Variants in IL7R observed in about 807,000 individuals in gnomAD.
IL7R encodes the protein interleukin-7 receptor subunit alpha.
Under a neutral mutation model 47.0 loss-of-function variants are expected in IL7R, and 38 were observed. The ratio of observed to expected loss-of-function variants is 0.81; its 90% confidence interval spans 0.62 to 1.06. The LOEUF is 1.06. Ranked by LOEUF, IL7R falls within the 50% of genes least tolerant of loss-of-function variation. The pLI is 0.00. For synonymous variants in IL7R, 221 were observed against 199.8 expected (o/e 1.11, Z -0.89); for missense variants, 633 against 534.8 (o/e 1.18, Z -1.81).
intron 3 of IL7R, among the ~76,000 whole-genome samples, chr5:35,869,424 C>A (rs1359140186): frequency 6.6e-6 from 1 of 151,836 alleles, no homozygotes; most frequent in Admixed American, 6.5e-5. Context: ...CGAGGACCAG[C>A]CGTTGTGATA....
chr5:35,873,144 A>T (rs1206200166), intron 4 of IL7R: 6 of 329,448 alleles, frequency 1.8e-5, no homozygotes, highest in East Asian at 6.7e-5. Flanking sequence ...ACCTAACCTA[A>T]CCTTTCATCT....
chr5:35,867,436 T>A lies in IL7R; in HGVS notation c.352T>A (p.Cys118Ser). Residue 118 changes from cysteine to serine, a missense_variant, in exon 3 of 8, where the codon TGC (cysteine) becomes AGC (serine). Cys to Ser is a moderately radical substitution (Grantham distance 112). Transcript: ENST00000303115. ...CVKVGEKSLT[C>S]KKIDLTTIVK... ...GAAGGTTGGAGAAAAGAGTCTAACCTGCAAAAAAATAGACCTAACCACTAT... is the reference window on the plus strand; with the variant it reads ...GAAGGTTGGAGAAAAGAGTCTAACCAGCAAAAAAATAGACCTAACCACTAT... 2 of 1,613,112 alleles carry A rather than the reference T, an allele frequency of 1.2e-6. No homozygotes were observed. The highest frequency in any genetic ancestry group is 1.7e-6 in the Non-Finnish European group (2 of 1,179,590).
rs758755061 is a variant in IL7R at position 35,879,550 on chromosome 5, C to T, written c.*3064C>T. On this transcript the variant is annotated 3_prime_UTR_variant, in exon 8 of 8. Coordinates refer to ENST00000303115, the MANE Select transcript of IL7R (RefSeq NM_002185.5). ...TTCGCAGAGCTGCTTAGTATATAAG[C>T]GTACAATGTATGTAATAACCATCTC... 6.2e-5 allele frequency: 14 copies of T among 226,254 alleles called. No homozygotes were observed. Among genetic ancestry groups the T allele is most frequent in the Admixed American group, 1.7e-4 (3 of 17,528 alleles). The allele number at this position is 226,254 out of a possible 1,614,324, so 14.0% of individuals were successfully genotyped here.
At chr5:35,873,420 G>A in intron 4 of IL7R, 60 bp from the exon 5 acceptor site, 4 of 1,355,614 alleles carry the variant, frequency 3.0e-6, no homozygotes, top group Non-Finnish European at 4.2e-6. Flanking sequence ...AAATGATTTG[G>A]GAGATTTAGG....
intron 5 of IL7R, 34 bp from the exon 6 acceptor site, chr5:35,874,415 T>C (rs1760153209): frequency 2.1e-6 from 3 of 1,438,868 alleles, no homozygotes; most frequent in Non-Finnish European, 2.9e-6. Context: ...GCATGGCTAC[T>C]GAATGCTCAC....
chr5:35,862,712 A>T (rs1343167613), intron 2 of IL7R, among the ~76,000 whole-genome samples: 1 of 152,140 alleles, frequency 6.6e-6, no homozygotes, highest in African/African-American at 2.4e-5. Flanking sequence ...TGAGCTGAGA[A>T]TACCATTTTA....
intron 4 of IL7R, among the ~76,000 whole-genome samples, chr5:35,872,709 C>T (rs976389667): frequency 6.6e-6 from 1 of 151,952 alleles, no homozygotes; most frequent in South Asian, 2.1e-4. Flanking sequence ...AGACATGCAA[C>T]TACATAAAAA....
intron 2 of IL7R, among the ~76,000 whole-genome samples, chr5:35,864,495 C>T (rs1023027798): frequency 3.3e-5 from 5 of 152,224 alleles, no homozygotes; most frequent in East Asian, 1.9e-4. Flanking sequence ...CTCCTTCCAG[C>T]GATGCATGAG....
chr5:35,874,307 T>A, intron 5 of IL7R, 142 bp from the exon 6 acceptor site: 1 of 738,716 alleles, frequency 1.4e-6, no homozygotes, highest in Non-Finnish European at 2.5e-6. Context: ...CATAAAGCTG[T>A]CAAATATGTC....
At chr5:35,874,709 A>C (rs1760162692) in intron 6 of IL7R, among the ~76,000 whole-genome samples, 167 bp downstream of exon 6, 1 of 152,198 alleles carries the variant, frequency 6.6e-6, no homozygotes, top group African/African-American at 2.4e-5. Flanking sequence ...TTAATTTCAT[A>C]AGAGGCAAAA....
Position 35,876,335 on chromosome 5 carries a change from C to T in IL7R, c.1229C>T (p.Thr410Ile), listed in dbSNP as rs1760215815. 4 of 1,613,272 alleles carry T rather than the reference C, an allele frequency of 2.5e-6. No individual in the cohort carries two copies. Among genetic ancestry groups the T allele is most frequent in the Non-Finnish European group, 3.4e-6 (4 of 1,179,414 alleles). The change falls in exon 8 of 8, where the codon ACT (threonine) becomes ATT (isoleucine). Residue 410 changes from threonine (T) to isoleucine (I), a missense_variant. Thr to Ile is a moderately conservative substitution (Grantham distance 89). Transcript: ENST00000303115. ...VYQDLLLSLG[T>I]TNSTLPPPFS... ...CAGGACCTCCTGCTTAGCCTTGGGACTACAAACAGCACGCTGCCCCCTCCA... is the reference window on the plus strand; with the variant it reads ...CAGGACCTCCTGCTTAGCCTTGGGATTACAAACAGCACGCTGCCCCCTCCA...
Position 35,860,972 on chromosome 5 carries a change from A to G in IL7R, c.203A>G (p.Asn68Ser), listed in dbSNP as rs1759792462. 6.2e-7 allele frequency: 1 copy of G among 1,613,496 alleles called. No homozygotes were observed. Among genetic ancestry groups the G allele is most frequent in the South Asian group, 1.1e-5 (1 of 91,076 alleles). ...GAGGACCCAGATGTCAACATCACCA[A>G]TCTGGAATTTGAAATATGGTGAGGG... ...AFEDPDVNIT[N>S]LEFEICGALV... The change falls in exon 2 of 8, where the codon AAT (asparagine) becomes AGT (serine). Residue 68 changes from asparagine to serine, a missense_variant. Physicochemically the swap from Asn to Ser is conservative, Grantham distance 46. Transcript: ENST00000303115.
intron 1 of IL7R, among the ~76,000 whole-genome samples, chr5:35,859,033 T>A (rs904163087): frequency 2.0e-5 from 3 of 152,202 alleles, no homozygotes; most frequent in Non-Finnish European, 1.5e-5. Context: ...ATTTTATAAG[T>A]CATTGAAGGG....
At position 35,877,512 on chromosome 5, in the gene IL7R, C is replaced by T. The variant is rs530160313; in HGVS notation, c.*1026C>T. Reference sequence around the variant, plus strand: ...CTTGCTGCTACCACCCAACTGCATCCGTCCATGATCTCAGAGGAAACTGTC... The same window carrying T: ...CTTGCTGCTACCACCCAACTGCATCTGTCCATGATCTCAGAGGAAACTGTC... On this transcript the variant is annotated 3_prime_UTR_variant, in exon 8 of 8. Coordinates refer to ENST00000303115, the MANE Select transcript of IL7R (RefSeq NM_002185.5). The T allele has an allele frequency of 3.0e-4, 70 of 233,158 alleles. 1 individual carries two copies. Among genetic ancestry groups the T allele is most frequent in the African/African-American group, 1.3e-3 (58 of 45,450 alleles). The allele number at this position is 233,158 out of a possible 1,614,324, so 14.4% of individuals were successfully genotyped here.
Position 35,876,479 on chromosome 5 carries a change from A to G in IL7R, c.1373A>G (p.Asn458Ser). 2 of 1,602,148 alleles carry G rather than the reference A, an allele frequency of 1.2e-6. No homozygotes were observed. The highest frequency in any genetic ancestry group is 1.7e-6 in the Non-Finnish European group (2 of 1,179,930). The change falls in exon 8 of 8, where the codon AAC (asparagine) becomes AGC (serine). Residue 458 changes from asparagine to serine, a missense_variant. Transcript: ENST00000303115. Reference sequence around the variant, plus strand: ...GTCACCATGTCCAGCTTCTACCAAAACCAGTGAAGTGTAAGAAACCCAGAC... The same window carrying G: ...GTCACCATGTCCAGCTTCTACCAAAGCCAGTGAAGTGTAAGAAACCCAGAC... The part of the protein sequence containing the change: ...AYVTMSSFYQ[N>S]Q
intron 3 of IL7R, among the ~76,000 whole-genome samples, chr5:35,869,892 T>C (rs914006664): frequency 6.6e-6 from 1 of 152,200 alleles, no homozygotes; most frequent in Non-Finnish European, 1.5e-5. Flanking sequence ...CATTACTTTT[T>C]TTTCAGTACC....
At chr5:35,861,539 A>G (rs547020167) in intron 2 of IL7R, among the ~76,000 whole-genome samples, 7 of 152,190 alleles carry the variant, frequency 4.6e-5, no homozygotes, top group Non-Finnish European at 1.0e-4. Context: ...GTGAATAACG[A>G]GTAATGGGGA....
rs111803690 is a variant in IL7R at position 35,876,154 on chromosome 5, C to G, written c.1048C>G (p.Pro350Ala). The change falls in exon 8 of 8, where the codon CCA becomes GCA. Residue 350 changes from proline to alanine, a missense_variant. Coordinates refer to ENST00000303115, the MANE Select transcript of IL7R (RefSeq NM_002185.5). ...AGGGGATGTGCAGAGCCCCAACTGC[C>G]CATCTGAGGATGTAGTCATCACTCC... is the stretch of plus-strand genomic sequence containing the variant. ...LGGDVQSPNC[P>A]SEDVVITPES... The G allele has an allele frequency of 6.2e-7, 1 of 1,614,008 alleles. No homozygotes were observed. The highest frequency in any genetic ancestry group is 8.5e-7 in the Non-Finnish European group (1 of 1,179,944).
At chr5:35,866,759 A>T (rs1253322635) in intron 2 of IL7R, among the ~76,000 whole-genome samples, 1 of 152,068 alleles carries the variant, frequency 6.6e-6, no homozygotes, top group Non-Finnish European at 1.5e-5. Flanking sequence ...TACATTCCAG[A>T]TATTAGTAAT....
Sources: allele counts gnomAD v4.1 joint callset (sites outside exome capture counted in the v4.1 genomes callset), GRCh38; gene constraint gnomAD v4.1.1; transcripts MANE v1.5; gene names NCBI Gene and HGNC (gene_info 2026-07-23, HGNC 2026-07-21).